GPC5: variants seen among roughly 807,000 people sequenced by gnomAD.
GPC5 encodes the protein glypican 5.
Under a neutral mutation model 53.9 loss-of-function variants are expected in GPC5, and 47 were observed. The observed-to-expected ratio is 0.87, with a 90% CI of 0.69 to 1.11. The LOEUF is 1.11. Ranked by LOEUF, GPC5 falls within the 50% of genes most tolerant of loss-of-function variation. The pLI is 0.00. For missense variants in GPC5, 748 were observed against 713.1 expected, an observed-to-expected ratio of 1.05 and a Z score of -0.56; for synonymous variants, 286 against 263.3, an observed-to-expected ratio of 1.09 and a Z score of -0.84.
At position 91,571,891 on chromosome 13, in the gene GPC5, G is replaced by GTGTATATATACACACATATACGTGTGTA. The variant is rs1404103215; in HGVS notation, c.326-121295_326-121294insGTATATATACACACATATACGTGTGTAT. 2.6e-5 allele frequency among the ~76,000 whole-genome samples: 2 copies of GTGTATATATACACACATATACGTGTGTA among 77,622 alleles called. 1 individual carries two copies. Among genetic ancestry groups the GTGTATATATACACACATATACGTGTGTA allele is most frequent in the African/African-American group, 1.8e-4 (2 of 11,276 alleles). 50.9% of individuals were successfully genotyped at this position (77,622 alleles called of 152,430 possible). On this transcript the variant is annotated intron_variant, in intron 2 of 7. Coordinates refer to ENST00000377067, the MANE Select transcript of GPC5 (RefSeq NM_004466.6). ...TGTATATATACACACATATACGTGT[G>GTGTATATATACACACATATACGTGTGTA]TATATACACATATTGTATATATACA...
chr13:92,332,185 G>A (rs2043292425), intron 7 of GPC5, among the ~76,000 whole-genome samples: 1 of 152,076 alleles, frequency 6.6e-6, no homozygotes, highest in South Asian at 2.1e-4. Context: ...CAGACCTTTT[G>A]GTTGAATACA....
chr13:92,196,391 A>G (rs769990389), intron 7 of GPC5, among the ~76,000 whole-genome samples: 10 of 152,166 alleles, frequency 6.6e-5, no homozygotes, highest in Non-Finnish European at 1.2e-4. Flanking sequence ...CACTTAATAC[A>G]TATATTTAAT....
At chr13:91,529,219 A>T (rs1024381422) in intron 2 of GPC5, among the ~76,000 whole-genome samples, 1 of 152,200 alleles carries the variant, frequency 6.6e-6, no homozygotes, top group African/African-American at 2.4e-5. Context: ...TTATTCATGC[A>T]TATCCTGCCT....
At chr13:91,567,481 A>C (rs2031586599) in intron 2 of GPC5, among the ~76,000 whole-genome samples, 1 of 152,184 alleles carries the variant, frequency 6.6e-6, no homozygotes, top group South Asian at 2.1e-4. Flanking sequence ...ACTCAGGTAC[A>C]CTGAATCAGG....
chr13:91,681,958 T>C (rs1340765115), intron 2 of GPC5, among the ~76,000 whole-genome samples: 1 of 152,072 alleles, frequency 6.6e-6, no homozygotes, highest in Admixed American at 6.6e-5. Flanking sequence ...TTATTTTGTT[T>C]TTGTGTACAT....
At chr13:91,599,272 C>T (rs1427199760) in intron 2 of GPC5, among the ~76,000 whole-genome samples, 1 of 152,120 alleles carries the variant, frequency 6.6e-6, no homozygotes. Flanking sequence ...GTCTTTCCCT[C>T]ATCTTGTTGC....
At chr13:92,611,947 T>C (rs1884452255) in intron 7 of GPC5, among the ~76,000 whole-genome samples, 1 of 152,134 alleles carries the variant, frequency 6.6e-6, no homozygotes, top group Non-Finnish European at 1.5e-5. Flanking sequence ...AATTGCATGG[T>C]AGGCTTATTT....
At chr13:92,837,320 T>C (rs1878252906) in intron 7 of GPC5, among the ~76,000 whole-genome samples, 1 of 152,126 alleles carries the variant, frequency 6.6e-6, no homozygotes, top group African/African-American at 2.4e-5. Context: ...ACTGGAAACA[T>C]ACTAGAAATC....
intron 5 of GPC5, among the ~76,000 whole-genome samples, chr13:91,885,864 T>A (rs1165498240): frequency 6.6e-6 from 1 of 152,238 alleles, no homozygotes; most frequent in East Asian, 1.9e-4. Context: ...AGCAATGTTC[T>A]ATAGTTTCTT....
At chr13:91,453,324 C>T (rs1881315413) in intron 2 of GPC5, among the ~76,000 whole-genome samples, 1 of 151,794 alleles carries the variant, frequency 6.6e-6, no homozygotes, top group Non-Finnish European at 1.5e-5. Context: ...ATACTGGTTA[C>T]TGTAAAGTGT....
chr13:91,805,853 A>G (rs1432893299), intron 5 of GPC5, among the ~76,000 whole-genome samples: 3 of 152,110 alleles, frequency 2.0e-5, no homozygotes, highest in Admixed American at 6.6e-5. Flanking sequence ...TCTCTCTTAT[A>G]TAAAGTACCA....
At chr13:92,729,279 CTTTCA>C (rs1189439813) in intron 7 of GPC5, among the ~76,000 whole-genome samples, 1 of 151,222 alleles carries the variant, frequency 6.6e-6, no homozygotes, top group African/African-American at 2.4e-5. Flanking sequence ...ATCATCTTTC[CTTTCA>C]TATCAACCCC....
chr13:91,910,632 A>G (rs1400626767), intron 6 of GPC5, among the ~76,000 whole-genome samples: 3 of 152,172 alleles, frequency 2.0e-5, no homozygotes, highest in Non-Finnish European at 2.9e-5. Flanking sequence ...TCGGCCTGCC[A>G]TTGATCTGAA....
intron 5 of GPC5, among the ~76,000 whole-genome samples, chr13:91,773,371 T>C (rs2037658638): frequency 6.6e-6 from 1 of 152,236 alleles, no homozygotes; most frequent in Non-Finnish European, 1.5e-5. Flanking sequence ...GATTTTTAAA[T>C]ACTGATGATA....
rs2041165274 is a variant in GPC5, at chr13:92,066,086, A to T, written c.1402-78744A>T. Among the ~76,000 whole-genome samples the T allele has an allele frequency of 2.6e-5, 4 of 151,998 alleles. No individual in the cohort carries two copies. The South Asian group carries it at 8.3e-4, about 31-fold the overall frequency. On this transcript the variant is annotated intron_variant, in intron 6 of 7. Coordinates refer to ENST00000377067, the MANE Select transcript of GPC5 (RefSeq NM_004466.6). ...ATTAAATTGGGAATTCTTTTTTTGAAGTTTTGTAAAAGGGAGGCAGAAGTT... is the reference window on the plus strand; with the variant it reads ...ATTAAATTGGGAATTCTTTTTTTGATGTTTTGTAAAAGGGAGGCAGAAGTT...
chr13:91,732,789 C>T (rs888590339), intron 4 of GPC5, among the ~76,000 whole-genome samples: 2 of 152,084 alleles, frequency 1.3e-5, no homozygotes, highest in Non-Finnish European at 2.9e-5. Flanking sequence ...ATCCTTTTCC[C>T]ATTGCTTGTT....
At chr13:92,516,865 C>T (rs564120302) in intron 7 of GPC5, among the ~76,000 whole-genome samples, 17 of 152,120 alleles carry the variant, frequency 1.1e-4, no homozygotes, top group Non-Finnish European at 2.1e-4. Flanking sequence ...GAGTGTGAGC[C>T]GAAGCAGGGT....
At chr13:92,443,733 A>G (rs888484467) in intron 7 of GPC5, among the ~76,000 whole-genome samples, 4 of 152,214 alleles carry the variant, frequency 2.6e-5, no homozygotes, top group African/African-American at 7.2e-5. Context: ...ACATGTTACA[A>G]CAGTACAGAG....
intron 5 of GPC5, among the ~76,000 whole-genome samples, chr13:91,846,745 C>T (rs2038853541): frequency 6.6e-6 from 1 of 152,108 alleles, no homozygotes; most frequent in Non-Finnish European, 1.5e-5. Context: ...ATCAGATTGG[C>T]CAGTCTCATC....
Sources: allele counts gnomAD v4.1 joint callset (sites outside exome capture counted in the v4.1 genomes callset), GRCh38; gene constraint gnomAD v4.1.1; transcripts MANE v1.5; gene names NCBI Gene and HGNC (gene_info 2026-07-23, HGNC 2026-07-21).